The following PRDM11 variants were observed in gnomAD, a reference collection of about 807,000 sequenced individuals.
PRDM11 encodes PR/SET domain 11, also known as PR domain-containing protein 11.
PRDM11 carries 20 observed loss-of-function variants against 97.8 expected under a neutral mutation model. That is an observed-to-expected ratio of 0.20 (90% CI 0.14 to 0.30). The LOEUF (loss-of-function observed/expected upper bound fraction) is 0.30. PRDM11 is among the 10% of genes least tolerant of loss of function. The probability of loss-of-function intolerance (pLI) is 1.00; values close to 1 mark genes in which losing one functional copy is unlikely to be tolerated. For missense variants in PRDM11, 1,139 were observed against 1,555.2 expected, an observed-to-expected ratio of 0.73 and a Z score of 4.50; for synonymous variants, 599 against 637.7, an observed-to-expected ratio of 0.94 and a Z score of 0.91.
At chr11:45,147,182 T>A (rs1248458519) in intron 1 of PRDM11, among the ~76,000 whole-genome samples, 1 of 151,606 alleles carries the variant, frequency 6.6e-6, no homozygotes, top group Non-Finnish European at 1.5e-5. Flanking sequence ...CTTGTTACAA[T>A]GTAGCCTTTT....
chr11:45,127,349 C>G (rs1326134151), intron 1 of PRDM11, among the ~76,000 whole-genome samples: 2 of 152,250 alleles, frequency 1.3e-5, no homozygotes, highest in Non-Finnish European at 2.9e-5. Context: ...CAAAGTCATT[C>G]TCCGTCCAGC....
intron 5 of PRDM11, chr11:45,209,368 C>A (rs557715406): frequency 3.4e-5 from 12 of 348,458 alleles, no homozygotes; most frequent in African/African-American, 2.6e-4. Context: ...AGTCTCCCAC[C>A]GACTTTCCCT....
chr11:45,162,350 A>T (rs1250735649), intron 1 of PRDM11, among the ~76,000 whole-genome samples: 2 of 151,972 alleles, frequency 1.3e-5, no homozygotes, highest in African/African-American at 4.8e-5. Context: ...ACCCATTTTT[A>T]GGCTGGAGAA....
At chr11:45,192,083 G>A (rs1852935162) in intron 4 of PRDM11, among the ~76,000 whole-genome samples, 1 of 152,028 alleles carries the variant, frequency 6.6e-6, no homozygotes, top group South Asian at 2.1e-4. Context: ...TAGGTTTTGA[G>A]GGAGGGATGG....
chr11:45,098,575 C>T (rs912275259), intron 1 of PRDM11, among the ~76,000 whole-genome samples: 36 of 152,254 alleles, frequency 2.4e-4, no homozygotes, highest in African/African-American at 8.7e-4. Context: ...TATGAGGAGG[C>T]AGAGCTGGGA....
intron 1 of PRDM11, among the ~76,000 whole-genome samples, chr11:45,174,818 T>C (rs936612482): frequency 8.5e-5 from 13 of 152,218 alleles, no homozygotes; most frequent in Admixed American, 7.8e-4. Flanking sequence ...TAACCACTAG[T>C]GATACCTTAA....
chr11:45,221,992 A>T (rs3758722), intron 6 of PRDM11, among the ~76,000 whole-genome samples: 137,444 of 152,202 alleles, frequency 0.9, 63,019 homozygotes, highest in Non-Finnish European at 0.98. Flanking sequence ...AATTGGAGGT[A>T]GGCACCCTGA....
intron 1 of PRDM11, among the ~76,000 whole-genome samples, chr11:45,175,398 T>A (rs1852304201): frequency 6.6e-6 from 1 of 152,252 alleles, no homozygotes. Flanking sequence ...GTATGTACCC[T>A]TTTCAGGTTG....
chr11:45,212,375 T>A (rs1853777407), intron 5 of PRDM11: 1 of 345,938 alleles, frequency 2.9e-6, no homozygotes, highest in Non-Finnish European at 5.8e-6. Flanking sequence ...GGCAGGGGGA[T>A]ACTCAGGTGT....
intron 5 of PRDM11, chr11:45,209,167 G>A: frequency 2.2e-6 from 1 of 454,028 alleles, no homozygotes; most frequent in Non-Finnish European, 4.4e-6. Flanking sequence ...CCTGGGGCCG[G>A]GGGCCGGGCC....
chr11:45,104,753 G>T (rs960605002), intron 1 of PRDM11, among the ~76,000 whole-genome samples: 1 of 152,184 alleles, frequency 6.6e-6, no homozygotes, highest in East Asian at 1.9e-4. Flanking sequence ...TAAAGGGACT[G>T]GGTGGGGCAC....
chr11:45,219,560 T>A lies in PRDM11; in HGVS notation c.555-10T>A, dbSNP rs1449740389. 1 of 1,610,858 alleles carries A rather than the reference T, an allele frequency of 6.2e-7. No homozygotes were observed. The highest frequency in any genetic ancestry group is 2.2e-5 in the East Asian group (1 of 44,836). On this transcript the variant is annotated splice_polypyrimidine_tract_variant and intron_variant, in intron 5 of 7. Transcript: ENST00000683152. The surrounding 1 kb of genome is among the most constrained non-coding windows in gnomAD (Gnocchi z 4.2). ...CCCGTGCGTTCTCACCTGTCTCCCC[T>A]CCCCACCAGGTACGTGGTCATCTCC...
intron 1 of PRDM11, among the ~76,000 whole-genome samples, chr11:45,111,214 C>CTTGGGCCCGTGGAAATCGCT (rs1590343496): frequency 2.4e-5 from 3 of 122,706 alleles, no homozygotes; most frequent in South Asian, 2.8e-4. Flanking sequence ...TCTTACAATC[C>CTTGGGCCCGTGGAAATCGCT]ATCCCACCCT....
Position 45,226,821 on chromosome 11 carries a change from T to C in PRDM11, c.2196T>C (p.Asp732=), listed in dbSNP as rs11038361. The change falls in exon 8 of 8, where the codon GAT becomes GAC. Residue 732 remains aspartate, a synonymous_variant. Coordinates refer to ENST00000683152, the MANE Select transcript of PRDM11 (RefSeq NM_001384648.1). ...AGCCAACTGTTGGCTTGGGTGTAGATGGAGCCAACATCACAGCCAGCCTCC... is the reference window on the plus strand; with the variant it reads ...AGCCAACTGTTGGCTTGGGTGTAGACGGAGCCAACATCACAGCCAGCCTCC... ...DEKPTVGLGV[D]GANITASLRA... The C allele has an allele frequency of 0.94, 1,443,200 of 1,533,732 alleles. 686,589 individuals carry two copies. Among genetic ancestry groups the C allele is most frequent in the Non-Finnish European group, 0.98 (1,118,650 of 1,146,696 alleles).
At chr11:45,213,826 T>A (rs1347492894) in intron 5 of PRDM11, 5 of 427,972 alleles carry the variant, frequency 1.2e-5, no homozygotes, top group Non-Finnish European at 2.4e-5. Flanking sequence ...GAAGCCAGGG[T>A]ATCGGTTTTC....
intron 5 of PRDM11, among the ~76,000 whole-genome samples, chr11:45,209,941 C>T (rs1324055656): frequency 3.3e-5 from 5 of 152,084 alleles, no homozygotes; most frequent in South Asian, 2.1e-4. Flanking sequence ...CAGCGTGGGG[C>T]GCGGAGAAGG....
rs889934892 is a variant in PRDM11 at position 45,226,398 on chromosome 11, G to A, written c.1773G>A (p.Leu591=). ...KTEEMCRNMT[L]LFNTAYHLAL... is the part of the protein sequence containing the mutation. Reference sequence around the variant, plus strand: ...AGGAGATGTGTCGCAACATGACCCTGCTCTTCAACACCGCCTACCACCTGG... The same window carrying A: ...AGGAGATGTGTCGCAACATGACCCTACTCTTCAACACCGCCTACCACCTGG... The change falls in exon 8 of 8, where the codon CTG becomes CTA. Residue 591 remains leucine (L), a synonymous_variant. Coordinates refer to ENST00000683152, the MANE Select transcript of PRDM11 (RefSeq NM_001384648.1). 6.5e-7 allele frequency: 1 copy of A among 1,533,968 alleles called. No homozygotes were observed. Among genetic ancestry groups the A allele is most frequent in the South Asian group, 1.2e-5 (1 of 83,964 alleles).
chr11:45,173,746 C>T (rs950337921), intron 1 of PRDM11, among the ~76,000 whole-genome samples: 2 of 152,128 alleles, frequency 1.3e-5, no homozygotes, highest in African/African-American at 4.8e-5. Flanking sequence ...AGCTCAAAAC[C>T]TCATTTTCCA....
At chr11:45,144,345 G>A (rs950461968), upstream of PRDM11, among the ~76,000 whole-genome samples, 2 of 152,214 alleles carry the variant, frequency 1.3e-5, no homozygotes, top group Non-Finnish European at 2.9e-5. Flanking sequence ...ACAAGTCCCA[G>A]TGTGACGCCT....
Sources: gnomAD v4.1 joint callset for allele counts (sites outside exome capture counted in the v4.1 genomes callset) on GRCh38, gnomAD v4.1.1 for gene constraint, Gnocchi (gnomAD v3.1) non-coding constraint, MANE v1.5 for transcripts, NCBI Gene and HGNC (gene_info 2026-07-23, HGNC 2026-07-21) for gene names.